The following ADAM32 variants were observed in gnomAD, a reference collection of about 807,000 sequenced individuals.
ADAM32 encodes disintegrin and metalloproteinase domain-containing protein 32.
In ADAM32, 89 loss-of-function variants were observed where a neutral mutation model predicts 114.9. The ratio of observed to expected loss-of-function variants is 0.77; its 90% confidence interval spans 0.65 to 0.92. The LOEUF (loss-of-function observed/expected upper bound fraction) is 0.92. ADAM32 is among the 40% of genes least tolerant of loss of function. The pLI, the probability that ADAM32 is intolerant of heterozygous loss-of-function variation, is 0.00. For missense variants in ADAM32, 870 were observed against 932.8 expected, an observed-to-expected ratio of 0.93 and a Z score of 0.88; for synonymous variants, 285 against 307.5, an observed-to-expected ratio of 0.93 and a Z score of 0.77.
intron 12 of ADAM32, among the ~76,000 whole-genome samples, chr8:39,219,234 G>T (rs990514446): frequency 4.6e-5 from 7 of 152,124 alleles, no homozygotes; most frequent in South Asian, 2.1e-4. Flanking sequence ...GGGGAAGGAT[G>T]GCACAAGTGT....
rs573403046 is a variant in ADAM32 at position 39,233,128 on chromosome 8, A to G, written c.1635-771A>G. ...AGAGGGTTCTTGGATCTTGTGGAAG[A>G]GAGAATTTGAGGCAAATCCATACAG... On this transcript the variant is annotated intron_variant, in intron 15 of 24. Transcript: ENST00000379907. Among the ~76,000 whole-genome samples, 135 of 152,334 alleles carry G rather than the reference A, an allele frequency of 8.9e-4. 1 individual carries two copies. Among genetic ancestry groups the G allele is most frequent in the African/African-American group, 3.2e-3 (132 of 41,590 alleles).
At chr8:39,189,338 T>C (rs1379181789) in intron 11 of ADAM32, among the ~76,000 whole-genome samples, 1 of 152,186 alleles carries the variant, frequency 6.6e-6, no homozygotes, top group African/African-American at 2.4e-5. Context: ...ACTTAATATA[T>C]TGGCATTCGC....
chr8:39,227,081 A>G (rs1284885819), intron 14 of ADAM32, among the ~76,000 whole-genome samples: 1 of 152,112 alleles, frequency 6.6e-6, no homozygotes, highest in Non-Finnish European at 1.5e-5. Flanking sequence ...TTAGCTCCAA[A>G]TCAACTGCAA....
intron 17 of ADAM32, among the ~76,000 whole-genome samples, chr8:39,251,501 GTTTGT>G (rs1405454674): frequency 2.0e-5 from 3 of 151,542 alleles, no homozygotes; most frequent in Non-Finnish European, 4.4e-5. Context: ...TTGGCCATTT[GTTTGT>G]TTTATTTTGA....
intron 4 of ADAM32, 25 bp from the exon 5 acceptor site, chr8:39,149,766 C>G: frequency 1.9e-6 from 3 of 1,541,088 alleles, no homozygotes; most frequent in Non-Finnish European, 2.7e-6. Flanking sequence ...TCCTAAGTGA[C>G]TACTTTACTT....
chr8:39,162,425 G>T (rs564090989), intron 7 of ADAM32, among the ~76,000 whole-genome samples: 100 of 152,060 alleles, frequency 6.6e-4, no homozygotes, highest in Middle Eastern at 3.4e-3. Flanking sequence ...GGACATTTGG[G>T]TTGGTTCCAA....
At chr8:39,123,644 T>C (rs958660440) in intron 2 of ADAM32, among the ~76,000 whole-genome samples, 2 of 152,108 alleles carry the variant, frequency 1.3e-5, no homozygotes, top group African/African-American at 2.4e-5. Context: ...TGAACATGTA[T>C]GATACTTTCA....
At chr8:39,238,540 G>A (rs923152034) in intron 16 of ADAM32, among the ~76,000 whole-genome samples, 1 of 152,122 alleles carries the variant, frequency 6.6e-6, no homozygotes, top group African/African-American at 2.4e-5. Context: ...ACTCCCAAAA[G>A]ATCACACTAG....
intron 11 of ADAM32, among the ~76,000 whole-genome samples, chr8:39,192,740 C>T (rs544004176): frequency 6.6e-6 from 1 of 152,262 alleles, no homozygotes; most frequent in East Asian, 1.9e-4. Flanking sequence ...ATTTGCTTGT[C>T]TGAAAAGGAT....
intron 22 of ADAM32, among the ~76,000 whole-genome samples, chr8:39,277,538 G>T (rs913415175): frequency 6.6e-6 from 1 of 152,230 alleles, no homozygotes; most frequent in Non-Finnish European, 1.5e-5. Context: ...CATGACAGGG[G>T]TGCCTCGTTT....
chr8:39,240,856 C>T (rs1247004613), intron 16 of ADAM32, among the ~76,000 whole-genome samples: 3 of 152,148 alleles, frequency 2.0e-5, no homozygotes, highest in Non-Finnish European at 1.5e-5. Flanking sequence ...AATCTCATGT[C>T]CTCACATTTC....
intron 1 of ADAM32, among the ~76,000 whole-genome samples, chr8:39,114,181 C>T (rs1840280843): frequency 6.6e-6 from 1 of 152,104 alleles, no homozygotes; most frequent in Admixed American, 6.6e-5. Context: ...ATTTTGAGTC[C>T]TCAGGATTAG....
chr8:39,218,530 A>G (rs1201510944), intron 12 of ADAM32, among the ~76,000 whole-genome samples: 1 of 152,136 alleles, frequency 6.6e-6, no homozygotes, highest in Non-Finnish European at 1.5e-5. Flanking sequence ...AACCTTAGAA[A>G]TACACCTGGT....
At chr8:39,173,927 C>A (rs770400061) in intron 10 of ADAM32, among the ~76,000 whole-genome samples, 1 of 152,084 alleles carries the variant, frequency 6.6e-6, no homozygotes, top group Non-Finnish European at 1.5e-5. Context: ...AAGGTTCAAG[C>A]GATTCTCTTG....
intron 19 of ADAM32, among the ~76,000 whole-genome samples, chr8:39,264,652 T>C (rs1032619900): frequency 6.6e-6 from 1 of 152,224 alleles, no homozygotes; most frequent in African/African-American, 2.4e-5. Flanking sequence ...GTTGTTAACC[T>C]GAGATCTTTC....
chr8:39,160,073 G>A (rs1427288473), intron 6 of ADAM32, among the ~76,000 whole-genome samples: 2 of 152,146 alleles, frequency 1.3e-5, no homozygotes, highest in Admixed American at 1.3e-4. Flanking sequence ...TACAGGCAGG[G>A]ATTCCAAGAT....
chr8:39,252,002 C>T (rs117580405), intron 17 of ADAM32, among the ~76,000 whole-genome samples: 2 of 151,750 alleles, frequency 1.3e-5, no homozygotes, highest in Middle Eastern at 3.4e-3. Flanking sequence ...ATTCTTGGTG[C>T]CTTTGTTGAA....
intron 11 of ADAM32, among the ~76,000 whole-genome samples, chr8:39,199,855 A>G (rs1280315014): frequency 6.8e-6 from 1 of 147,628 alleles, no homozygotes; most frequent in African/African-American, 2.5e-5. Flanking sequence ...CCCACCTATG[A>G]GTGAGAACAT....
intron 6 of ADAM32, among the ~76,000 whole-genome samples, chr8:39,154,026 A>G (rs2129445681): frequency 9.3e-6 from 1 of 107,584 alleles, no homozygotes; most frequent in South Asian, 3.4e-4. Flanking sequence ...ACAAACAGAA[A>G]GTTCCTCATA....
Sources: gnomAD v4.1 joint callset for allele counts (sites outside exome capture counted in the v4.1 genomes callset) on GRCh38, gnomAD v4.1.1 for gene constraint, MANE v1.5 for transcripts, NCBI Gene and HGNC (gene_info 2026-07-23, HGNC 2026-07-21) for gene names.